The following FAM118A variants were observed in gnomAD, a reference collection of about 807,000 sequenced individuals.
The protein encoded by FAM118A is protein FAM118A.
Under a neutral mutation model 38.2 loss-of-function variants are expected in FAM118A, and 25 were observed. The ratio of observed to expected loss-of-function variants is 0.65; its 90% CI spans 0.48 to 0.91. The LOEUF is 0.91. Ranked by LOEUF, FAM118A falls within the 40% of genes least tolerant of loss-of-function variation. FAM118A has a pLI of 0.00. For synonymous variants in FAM118A, 178 were observed against 184.1 expected, an observed-to-expected ratio of 0.97 and a Z score of 0.27; for missense variants, 425 against 463.3, an observed-to-expected ratio of 0.92 and a Z score of 0.76.
chr22:45,317,933 C>T (rs537885950), intron 1 of FAM118A, among the ~76,000 whole-genome samples: 2 of 152,298 alleles, frequency 1.3e-5, no homozygotes, highest in African/African-American at 4.8e-5. Flanking sequence ...ATGGCTAAGC[C>T]TGGAGTCTGT....
intron 1 of FAM118A, among the ~76,000 whole-genome samples, chr22:45,312,357 G>T (rs2084407589): frequency 6.6e-6 from 1 of 152,180 alleles, no homozygotes; most frequent in Non-Finnish European, 1.5e-5. Flanking sequence ...TTCAAGTTGG[G>T]GTTCCCATGA....
intron 1 of FAM118A, among the ~76,000 whole-genome samples, chr22:45,315,184 G>A (rs1601878836): frequency 6.6e-6 from 1 of 152,134 alleles, no homozygotes; most frequent in Non-Finnish European, 1.5e-5. Flanking sequence ...TTCCTGGTTT[G>A]GGTGTATACG....
Position 45,341,606 on chromosome 22 carries a change from G to A in FAM118A, c.*1201G>A, listed in dbSNP as rs10343. Reference sequence around the variant, plus strand: ...CTTCTCAGGTTCACCCACATGAAACGGCTGTGCTGAGTGTGCTGCCGGTGC... The same window carrying A: ...CTTCTCAGGTTCACCCACATGAAACAGCTGTGCTGAGTGTGCTGCCGGTGC... On this transcript the variant is annotated 3_prime_UTR_variant, in exon 9 of 9. Coordinates refer to ENST00000441876, the MANE Select transcript of FAM118A (RefSeq NM_017911.4). The A allele has an allele frequency of 0.4, 60,227 of 152,190 alleles. 14,617 individuals carry two copies. The highest frequency in any genetic ancestry group is 0.55 in the Non-Finnish European group (37,428 of 68,016). The allele number at this position is 152,190 out of a possible 1,614,324, so 9.4% of individuals were successfully genotyped here.
intron 3 of FAM118A, among the ~76,000 whole-genome samples, chr22:45,327,640 T>A (rs1213710176): frequency 6.6e-6 from 1 of 152,208 alleles, no homozygotes; most frequent in Non-Finnish European, 1.5e-5. Flanking sequence ...TCTGCCGTGC[T>A]TTCCTGTGGC....
intron 1 of FAM118A, 48 bp from the exon 2 acceptor site, chr22:45,322,323 C>G (rs1170531404): frequency 1.9e-6 from 3 of 1,591,914 alleles, no homozygotes; most frequent in Non-Finnish European, 2.6e-6. Flanking sequence ...CAAATAAAAA[C>G]TTTTACCTGG....
intron 6 of FAM118A, 31 bp downstream of exon 6, chr22:45,332,741 T>C: frequency 1.3e-6 from 2 of 1,492,212 alleles, no homozygotes; most frequent in Non-Finnish European, 1.8e-6. Flanking sequence ...TTCCTTTTTC[T>C]TTCTTTTTTC....
rs566115690 is a variant in FAM118A at position 45,337,305 on chromosome 22, G to A, written c.1054+894G>A. 2.6e-5 allele frequency among the ~76,000 whole-genome samples: 4 copies of A among 152,334 alleles called. No homozygotes were observed. The South Asian group carries it at 8.3e-4, about 32-fold the overall frequency. On this transcript the variant is annotated intron_variant, in intron 8 of 8. Transcript: ENST00000441876. ...CAAAAGCATTTCCGTGATGAAAACA[G>A]CGTCAGTGTTCTTTCCTGCTTAGCC...
At chr22:45,320,255 A>G (rs2084793896) in intron 1 of FAM118A, among the ~76,000 whole-genome samples, 2 of 152,134 alleles carry the variant, frequency 1.3e-5, no homozygotes, top group South Asian at 4.1e-4. Flanking sequence ...ACAAGGTCAA[A>G]GATCGAGACC....
chr22:45,309,276 CAT>C (rs1367321396), upstream of FAM118A: 4 of 151,974 alleles, frequency 2.6e-5, no homozygotes, highest in African/African-American at 7.3e-5. Context: ...CACGCACAAA[CAT>C]GTGGGCGGCC....
chr22:45,339,807 G>A (rs1032808401), intron 8 of FAM118A, among the ~76,000 whole-genome samples: 2 of 152,196 alleles, frequency 1.3e-5, no homozygotes, highest in African/African-American at 2.4e-5. Context: ...TGTGCACATC[G>A]CGGGTAGGGC....
chr22:45,339,221 C>T (rs1373620033), intron 8 of FAM118A, among the ~76,000 whole-genome samples: 7 of 152,166 alleles, frequency 4.6e-5, no homozygotes, highest in African/African-American at 1.7e-4. Context: ...CATGGCGAAA[C>T]CCCGTCTCTA....
chr22:45,327,922 T>C lies in FAM118A; in HGVS notation c.381T>C (p.Ser127=), dbSNP rs755509993. Residue 127 remains serine, a synonymous_variant, in exon 4 of 9, where the codon AGT becomes AGC. Transcript: ENST00000441876. ...ACGACCTGGAGCAGCACATCCGGAG[T>C]CCTGTGGTGCTGCAGTCGATCCTCA... The part of the protein sequence containing the change: ...VFDDLEQHIR[S]PVVLQSILSL... 6.2e-7 allele frequency: 1 copy of C among 1,614,056 alleles called. No individual in the cohort carries two copies. The highest frequency in any genetic ancestry group is 1.1e-5 in the South Asian group (1 of 91,072).
chr22:45,335,876 C>T (rs564984468), intron 7 of FAM118A, among the ~76,000 whole-genome samples: 77 of 152,362 alleles, frequency 5.1e-4, no homozygotes, highest in African/African-American at 1.6e-3. Flanking sequence ...GAGCGTCCTC[C>T]TGTGTGTGCG....
intron 1 of FAM118A, among the ~76,000 whole-genome samples, chr22:45,316,518 G>T (rs2084612752): frequency 6.6e-6 from 1 of 152,198 alleles, no homozygotes; most frequent in Non-Finnish European, 1.5e-5. Flanking sequence ...CTTGCTGAGG[G>T]TCATGCTGGG....
chr22:45,330,563 T>G, intron 4 of FAM118A, 40 bp from the exon 5 acceptor site: 1 of 1,486,616 alleles, frequency 6.7e-7, no homozygotes, highest in Non-Finnish European at 9.0e-7. Context: ...TTGAAACAGT[T>G]TGAGGATGTG....
In FAM118A at chr22:45,341,687, G is replaced by A. The variant is rs760982456; in HGVS notation, c.*1282G>A. The A allele has an allele frequency of 6.6e-6, 1 of 152,152 alleles. No homozygotes were observed. Among genetic ancestry groups the A allele is most frequent in the Non-Finnish European group, 1.5e-5 (1 of 68,036 alleles). 9.4% of individuals were successfully genotyped at this position (152,152 alleles called of 1,614,324 possible). On this transcript the variant is annotated 3_prime_UTR_variant, in exon 9 of 9. Transcript: ENST00000441876. ...GAGGCTTCTGTGGCGGTGCATGAGCGGCCCTACAGTGGAGGGTTCTCTTTG... is the reference window on the plus strand; with the variant it reads ...GAGGCTTCTGTGGCGGTGCATGAGCAGCCCTACAGTGGAGGGTTCTCTTTG...
chr22:45,321,582 A>C (rs1328151398), intron 1 of FAM118A: 2 of 151,428 alleles, frequency 1.3e-5, no homozygotes, highest in African/African-American at 2.4e-5. Flanking sequence ...ATGCCTGGCA[A>C]ATTTTTTTAT....
chr22:45,332,567 A>G lies in FAM118A; in HGVS notation c.794A>G (p.Lys265Arg). ...TTGGAGCACTACATGCTTGTGCTGA[A>G]GGAGAATGAAGACCATTTCTTTAAG... is the stretch of plus-strand genomic sequence containing the variant. Reference protein sequence around the residue: ...VDLEHYMLVLKENEDHFFKHQ... With the variant: ...VDLEHYMLVLRENEDHFFKHQ... Residue 265 changes from lysine to arginine, a missense_variant, in exon 6 of 9, where the codon AAG becomes AGG. Coordinates refer to ENST00000441876, the MANE Select transcript of FAM118A (RefSeq NM_017911.4). 6.2e-7 allele frequency: 1 copy of G among 1,614,158 alleles called. No individual in the cohort carries two copies. The highest frequency in any genetic ancestry group is 1.1e-5 in the South Asian group (1 of 91,084).
At chr22:45,325,710 A>T (rs932282673) in intron 3 of FAM118A, among the ~76,000 whole-genome samples, 1 of 152,134 alleles carries the variant, frequency 6.6e-6, no homozygotes, top group Admixed American at 6.6e-5. Flanking sequence ...GACCAGGACT[A>T]TTGGAGGAGA....
Sources: allele counts gnomAD v4.1 joint callset (sites outside exome capture counted in the v4.1 genomes callset), GRCh38; gene constraint gnomAD v4.1.1; transcripts MANE v1.5; gene names NCBI Gene and HGNC (gene_info 2026-07-23, HGNC 2026-07-21).